The following COMT variants were observed in gnomAD, a reference collection of about 807,000 sequenced individuals.
The protein encoded by COMT is catechol O-methyltransferase.
COMT carries 13 observed loss-of-function variants against 18.9 expected under a neutral mutation model. The observed-to-expected ratio is 0.69, with a 90% CI of 0.45 to 1.09. The LOEUF (loss-of-function observed/expected upper bound fraction) is 1.09. Ranked by LOEUF, COMT falls within the 50% of genes least tolerant of loss-of-function variation. The pLI is 0.00. For missense variants in COMT, 329 were observed against 361.8 expected (o/e 0.91, Z 0.73); for synonymous variants, 150 against 160.9 (o/e 0.93, Z 0.51).
intron 5 of COMT, chr22:19,967,658 G>A (rs1414923998): frequency 1.0e-5 from 3 of 294,684 alleles, no homozygotes; most frequent in Non-Finnish European, 1.3e-5. Flanking sequence ...CAAGGCACCT[G>A]CCTGCAAATT....
At chr22:19,947,729 G>A (rs755875215) in intron 1 of COMT, among the ~76,000 whole-genome samples, 7 of 151,978 alleles carry the variant, frequency 4.6e-5, no homozygotes, top group Non-Finnish European at 1.0e-4. Context: ...TTAGGCCTCC[G>A]GATAACTGTG....
chr22:19,941,797 C>CCGCCATCGT lies in COMT; in HGVS notation c.-189_-181dup. ...AATCCCCGCAGCGCCACCGCCATTG[C>CCGCCATCGT]CGCCATCGTCGTGGGGCTTCTGGGG... On this transcript the variant is annotated 5_prime_UTR_variant, in exon 1 of 6. Transcript: ENST00000361682. The CCGCCATCGT allele has an allele frequency of 6.5e-7, 1 of 1,534,964 alleles. No individual in the cohort carries two copies. The highest frequency in any genetic ancestry group is 8.7e-7 in the Non-Finnish European group (1 of 1,151,830).
chr22:19,955,226 G>C, intron 1 of COMT, among the ~76,000 whole-genome samples: 1 of 152,240 alleles, frequency 6.6e-6, no homozygotes, highest in African/African-American at 2.4e-5. Context: ...CCAGAGGCTG[G>C]ATGGAGGTGA....
chr22:19,955,563 C>T (rs1263557930), intron 1 of COMT, among the ~76,000 whole-genome samples: 7 of 152,242 alleles, frequency 4.6e-5, no homozygotes, highest in African/African-American at 1.4e-4. Flanking sequence ...TCTGCAGCCC[C>T]CGTGGGGGAC....
rs1340949277 is a variant in COMT, at chr22:19,963,700, A to G, written c.424A>G (p.Asn142Asp). 6.2e-7 allele frequency: 1 copy of G among 1,612,814 alleles called. No individual in the cohort carries two copies. Among genetic ancestry groups the G allele is most frequent in the Non-Finnish European group, 8.5e-7 (1 of 1,179,988 alleles). ...PGARLITIEI[N>D]PDCAAITQRM... Reference sequence around the variant, plus strand: ...GGCGAGGCTCATCACCATCGAGATCAACCCCGACTGTGCCGCCATCACCCA... The same window carrying G: ...GGCGAGGCTCATCACCATCGAGATCGACCCCGACTGTGCCGCCATCACCCA... Residue 142 changes from asparagine to aspartate, a missense_variant, in exon 4 of 6, where the codon AAC (asparagine) becomes GAC (aspartate). Asn to Asp is a conservative substitution (Grantham distance 23). Coordinates refer to ENST00000361682, the MANE Select transcript of COMT (RefSeq NM_000754.4).
At chr22:19,950,115 T>G (rs5993883) in intron 1 of COMT, among the ~76,000 whole-genome samples, 74,644 of 151,912 alleles carry the variant, frequency 0.49, 18,706 homozygotes, top group Middle Eastern at 0.52. Flanking sequence ...AAACATCTTG[T>G]AAGCTTTTTT....
intron 1 of COMT, among the ~76,000 whole-genome samples, chr22:19,953,847 C>G (rs1481785028): frequency 1.3e-5 from 2 of 152,140 alleles, no homozygotes; most frequent in African/African-American, 4.8e-5. Flanking sequence ...GCCACATGAG[C>G]AGGTTGACCT....
chr22:19,968,378 C>A (rs957593870), intron 5 of COMT, among the ~76,000 whole-genome samples, 158 bp from the exon 6 acceptor site: 2 of 152,196 alleles, frequency 1.3e-5, no homozygotes, highest in Non-Finnish European at 2.9e-5. Flanking sequence ...ACAGTCCTTT[C>A]CTGCAGGAGT....
chr22:19,968,819 G>A lies in COMT; in HGVS notation c.*83G>A. ...GACGTGCTCCTGCTGACCTTCTGCGGCTCCGGGCTGTGTCCTAAATGCAAA... is the reference window on the plus strand; with the variant it reads ...GACGTGCTCCTGCTGACCTTCTGCGACTCCGGGCTGTGTCCTAAATGCAAA... On this transcript the variant is annotated 3_prime_UTR_variant, in exon 6 of 6. Coordinates refer to ENST00000361682, the MANE Select transcript of COMT (RefSeq NM_000754.4). The A allele has an allele frequency of 1.5e-6, 2 of 1,352,206 alleles. No individual in the cohort carries two copies. Among genetic ancestry groups the A allele is most frequent in the Non-Finnish European group, 2.1e-6 (2 of 973,256 alleles). The allele number at this position is 1,352,206 out of a possible 1,614,324, so 83.8% of individuals were successfully genotyped here.
At chr22:19,958,889 T>G (rs893551660) in intron 1 of COMT, among the ~76,000 whole-genome samples, 1 of 151,592 alleles carries the variant, frequency 6.6e-6, no homozygotes, top group Non-Finnish European at 1.5e-5. Flanking sequence ...GAGACCCTGT[T>G]TCAAAAAAAC....
intron 5 of COMT, chr22:19,967,027 G>C (rs1285830339): frequency 8.3e-7 from 1 of 1,201,092 alleles, no homozygotes; most frequent in South Asian, 1.6e-5. Flanking sequence ...TTGCAGTGTC[G>C]GGCGACAGGC....
chr22:19,952,678 C>T (rs941439352), intron 1 of COMT, among the ~76,000 whole-genome samples: 2 of 138,830 alleles, frequency 1.4e-5, no homozygotes, highest in Admixed American at 7.3e-5. Flanking sequence ...AACAGCCGAG[C>T]GCAGTGGCTC....
intron 1 of COMT, among the ~76,000 whole-genome samples, chr22:19,957,801 C>T (rs1299688916): frequency 1.3e-5 from 2 of 152,198 alleles, no homozygotes; most frequent in South Asian, 2.1e-4. Flanking sequence ...GTCTCATGAG[C>T]TTGCGAGCCG....
chr22:19,966,656 G>C (rs1040427972), intron 5 of COMT, among the ~76,000 whole-genome samples: 1 of 152,034 alleles, frequency 6.6e-6, no homozygotes, highest in Non-Finnish European at 1.5e-5. Context: ...GCCCAGACTG[G>C]TCTCAAACTC....
chr22:19,942,811 G>GT (rs1349902246), intron 1 of COMT, among the ~76,000 whole-genome samples: 1 of 152,204 alleles, frequency 6.6e-6, no homozygotes, highest in Admixed American at 6.5e-5. Context: ...GTGGGAAGGG[G>GT]TGGGGACTCA....
At chr22:19,942,596 G>C (rs566115500) in intron 1 of COMT, among the ~76,000 whole-genome samples, 2 of 152,262 alleles carry the variant, frequency 1.3e-5, no homozygotes, top group Non-Finnish European at 1.5e-5. Flanking sequence ...TTCCAGCCAG[G>C]GATTTTTGTG....
chr22:19,948,504 T>A lies in COMT; in HGVS notation c.-92+6607T>A, dbSNP rs190698138. The stretch of plus-strand genomic sequence containing the variant: ...GCCCTGTCTCTACAAAACAAAAAGT[T>A]GAAAAATTAGCTGGGCATGGTGGTA... On this transcript the variant is annotated intron_variant, in intron 1 of 5. Transcript: ENST00000361682. Among the ~76,000 whole-genome samples the A allele has an allele frequency of 7.3e-4, 111 of 151,970 alleles. 1 individual carries two copies. The highest frequency in any genetic ancestry group is 2.6e-3 in the Admixed American group (40 of 15,272).
At position 19,963,708 on chromosome 22, in the gene COMT, CTG is replaced by C; in HGVS notation, c.435_436del (p.Ala146ArgfsTer35). ...RLITIEINPDCAAITQRMVDF... is the reference protein window; with the variant it reads ...RLITIEINPDXAAITQRMVDF... ...TCATCACCATCGAGATCAACCCCGA[CTG>C]TGCCGCCATCACCCAGCGGATGGTG... is the stretch of plus-strand genomic sequence containing the variant. On this transcript the variant is annotated frameshift_variant, in exon 4 of 6. Coordinates refer to ENST00000361682, the MANE Select transcript of COMT (RefSeq NM_000754.4). LOFTEE classifies it high-confidence loss of function. 1 of 1,613,026 alleles carries C rather than the reference CTG, an allele frequency of 6.2e-7. No individual in the cohort carries two copies. The highest frequency in any genetic ancestry group is 1.1e-5 in the South Asian group (1 of 91,082).
At chr22:19,956,137 C>CTTTTTTTTTTTTTTTTTTTT (rs71186638) in intron 1 of COMT, among the ~76,000 whole-genome samples, 16 of 84,824 alleles carry the variant, frequency 1.9e-4, no homozygotes, top group East Asian at 7.6e-4. Context: ...TTCTTTTTTT[C>CTTTTTTTTTTTTTTTTTTTT]TTTTTTTTTT....
Sources: allele counts gnomAD v4.1 joint callset (sites outside exome capture counted in the v4.1 genomes callset), GRCh38; gene constraint gnomAD v4.1.1; transcripts MANE v1.5; gene names NCBI Gene and HGNC (gene_info 2026-07-23, HGNC 2026-07-21).